Variants in WSB1 observed in about 807,000 individuals in gnomAD.
WSB1 encodes WD repeat and SOCS box containing 1, also known as WD repeat and SOCS box-containing protein 1.
Under a neutral mutation model 50.2 loss-of-function variants are expected in WSB1, and 23 were observed. The ratio of observed to expected loss-of-function variants is 0.46; its 90% CI spans 0.33 to 0.65. The LOEUF (loss-of-function observed/expected upper bound fraction) is 0.65. Ranked by LOEUF, WSB1 falls within the 30% of genes least tolerant of loss-of-function variation. WSB1 has a pLI of 0.02. For synonymous variants in WSB1, 179 were observed against 172.0 expected (o/e 1.04, Z -0.32); for missense variants, 492 against 522.3 (o/e 0.94, Z 0.56).
At chr17:27,302,226 C>G (rs2017259728) in intron 2 of WSB1, among the ~76,000 whole-genome samples, 1 of 152,046 alleles carries the variant, frequency 6.6e-6, no homozygotes, top group Admixed American at 6.6e-5. Flanking sequence ...GCCTGGCCAA[C>G]ATGGTGAAAC....
At chr17:27,296,403 A>G (rs2016984128) in intron 1 of WSB1, among the ~76,000 whole-genome samples, 2 of 151,826 alleles carry the variant, frequency 1.3e-5, no homozygotes, top group African/African-American at 2.4e-5. Flanking sequence ...TATCATTTGG[A>G]TACAAGGTTG....
At chr17:27,300,182 T>C (rs1433500964) in intron 1 of WSB1, among the ~76,000 whole-genome samples, 1 of 87,248 alleles carries the variant, frequency 1.1e-5, no homozygotes. Context: ...GGTGTGTCCA[T>C]GTCCAGGTTC....
At chr17:27,301,688 A>T (rs1414339081) in intron 1 of WSB1, 100 bp from the exon 2 acceptor site, 3 of 1,283,096 alleles carry the variant, frequency 2.3e-6, no homozygotes, top group Non-Finnish European at 3.3e-6. Context: ...CCCTGTCTGC[A>T]TAGAAGAGGG....
rs1156542932 is a variant in WSB1 at position 27,294,255 on chromosome 17, C to A, written c.-141C>A. ...GCTTTCCCGAGGCAGTTAGCAGAAGCCGCAGCGGCCGCCCCCGCCCGTCTC... is the reference window on the plus strand; with the variant it reads ...GCTTTCCCGAGGCAGTTAGCAGAAGACGCAGCGGCCGCCCCCGCCCGTCTC... On this transcript the variant is annotated 5_prime_UTR_variant, in exon 1 of 9. Coordinates refer to ENST00000262394, the MANE Select transcript of WSB1 (RefSeq NM_015626.10). 2.6e-6 allele frequency: 3 copies of A among 1,168,062 alleles called. No homozygotes were observed. The highest frequency in any genetic ancestry group is 3.6e-6 in the Non-Finnish European group (3 of 829,708). 72.4% of individuals were successfully genotyped at this position (1,168,062 alleles called of 1,614,324 possible).
intron 5 of WSB1, chr17:27,307,384 C>T (rs2017505961): frequency 1.3e-5 from 4 of 298,110 alleles, no homozygotes; most frequent in Admixed American, 9.7e-5. Context: ...TACCTATAGA[C>T]AGCTTAAGTA....
At chr17:27,310,306 T>TG (rs1567692976) in intron 7 of WSB1, 132 bp downstream of exon 7, 1 of 727,934 alleles carries the variant, frequency 1.4e-6, no homozygotes, top group African/African-American at 1.8e-5. Context: ...TGTTGTGTCT[T>TG]AAAGAATATC....
Position 27,315,149 on chromosome 17 carries a change from G to A in WSB1, c.*2780G>A, listed in dbSNP as rs982321529. 2 of 152,182 alleles carry A rather than the reference G, an allele frequency of 1.3e-5. No homozygotes were observed. The highest frequency in any genetic ancestry group is 2.9e-5 in the Non-Finnish European group (2 of 68,034). 9.4% of individuals were successfully genotyped at this position (152,182 alleles called of 1,614,324 possible). On this transcript the variant is annotated 3_prime_UTR_variant, in exon 9 of 9. Coordinates refer to ENST00000262394, the MANE Select transcript of WSB1 (RefSeq NM_015626.10). ...GTAATAACAGTAATAACAGACTGAAGGACCAAAGGAAAATAGGGAAGACGT... is the reference window on the plus strand; with the variant it reads ...GTAATAACAGTAATAACAGACTGAAAGACCAAAGGAAAATAGGGAAGACGT...
chr17:27,306,535 C>T (rs1228176143), intron 4 of WSB1, among the ~76,000 whole-genome samples: 1 of 152,032 alleles, frequency 6.6e-6, no homozygotes, highest in African/African-American at 2.4e-5. Context: ...TCTTGAAGGG[C>T]TAGATGTTGA....
intron 3 of WSB1, 36 bp downstream of exon 3, chr17:27,303,671 T>C (rs2017328754): frequency 6.2e-7 from 1 of 1,602,810 alleles, no homozygotes; most frequent in Admixed American, 1.7e-5. Flanking sequence ...AATGTATTAT[T>C]TTATGATGCA....
In WSB1 at chr17:27,314,686, G is replaced by C. The variant is rs913776949; in HGVS notation, c.*2317G>C. 3 of 150,318 alleles carry C rather than the reference G, an allele frequency of 2.0e-5. No individual in the cohort carries two copies. The highest frequency in any genetic ancestry group is 4.4e-5 in the Non-Finnish European group (3 of 67,742). 9.3% of individuals were successfully genotyped at this position (150,318 alleles called of 1,614,324 possible). On this transcript the variant is annotated 3_prime_UTR_variant, in exon 9 of 9. Transcript: ENST00000262394. ...ATTTTTTATTTTTTATTTTTTTTGA[G>C]ACGGAGTCTCACACTGTCACCTGGG...
At chr17:27,304,972 AT>A in intron 4 of WSB1, 61 bp downstream of exon 4, 1 of 1,592,056 alleles carries the variant, frequency 6.3e-7, no homozygotes, top group East Asian at 2.3e-5. Flanking sequence ...ATGGAGAGGT[AT>A]TGGGAACATG....
rs78397567 is a variant in WSB1 at position 27,312,471 on chromosome 17, T to G, written c.*102T>G. 1,173 of 1,470,278 alleles carry G rather than the reference T, an allele frequency of 8.0e-4. 14 individuals are homozygous for G. The East Asian group carries it at 0.026, about 32-fold the overall frequency. 91.1% of individuals were successfully genotyped at this position (1,470,278 alleles called of 1,614,324 possible). A position where few individuals can be genotyped will look rare whatever the true frequency, so the allele number is the denominator to read the frequency against. ...ATCTGTTTTTAAAGACGTAGAAGATTTATTTAATTTGATATGTTCTTGTAC... is the reference window on the plus strand; with the variant it reads ...ATCTGTTTTTAAAGACGTAGAAGATGTATTTAATTTGATATGTTCTTGTAC... On this transcript the variant is annotated 3_prime_UTR_variant, in exon 9 of 9. Transcript: ENST00000262394.
At position 27,315,218 on chromosome 17, in the gene WSB1, T is replaced by C. The variant is rs2017807745; in HGVS notation, c.*2849T>C. 6.6e-6 allele frequency: 1 copy of C among 152,178 alleles called. No individual in the cohort carries two copies. The highest frequency in any genetic ancestry group is 1.5e-5 in the Non-Finnish European group (1 of 68,024). 9.4% of individuals were successfully genotyped at this position (152,178 alleles called of 1,614,324 possible). ...AGATTCTAGCTACATGATTTGAAAA[T>C]GACACTGCCTCTCCTATTTTGCCAC... On this transcript the variant is annotated 3_prime_UTR_variant, in exon 9 of 9. Transcript: ENST00000262394.
intron 4 of WSB1, among the ~76,000 whole-genome samples, chr17:27,306,030 A>T (rs1351845081): frequency 6.6e-6 from 1 of 152,138 alleles, no homozygotes; most frequent in Admixed American, 6.5e-5. Context: ...CAGTATACTT[A>T]AGCATAGTTG....
chr17:27,294,568 G>A, intron 1 of WSB1, 133 bp downstream of exon 1: 2 of 1,305,548 alleles, frequency 1.5e-6, no homozygotes, highest in South Asian at 1.4e-5. Flanking sequence ...CACTAGCGAG[G>A]AGGAGGAAGC....
intron 3 of WSB1, chr17:27,303,868 A>G (rs2017337137): frequency 2.2e-6 from 1 of 453,380 alleles, no homozygotes; most frequent in South Asian, 4.8e-5. Context: ...TACAGTAGGA[A>G]AGGGTTTTCC....
intron 3 of WSB1, among the ~76,000 whole-genome samples, chr17:27,304,313 TC>T (rs2017354337): frequency 6.6e-6 from 1 of 152,238 alleles, no homozygotes; most frequent in African/African-American, 2.4e-5. Flanking sequence ...ACATTTTTTT[TC>T]ACTGGGATCA....
intron 1 of WSB1, among the ~76,000 whole-genome samples, chr17:27,299,684 A>T (rs1443216603): frequency 1.3e-5 from 2 of 152,240 alleles, no homozygotes; most frequent in Non-Finnish European, 2.9e-5. Context: ...CCAGAAAAGT[A>T]TGATGAAGTT....
intron 1 of WSB1, among the ~76,000 whole-genome samples, chr17:27,298,450 A>C (rs2017081145): frequency 6.6e-6 from 1 of 152,206 alleles, no homozygotes. Flanking sequence ...TGCCTGATGC[A>C]GTGGGTCATG....
Sources: allele counts gnomAD v4.1 joint callset (sites outside exome capture counted in the v4.1 genomes callset), GRCh38; gene constraint gnomAD v4.1.1; transcripts MANE v1.5; gene names NCBI Gene and HGNC (gene_info 2026-07-23, HGNC 2026-07-21).